The following DRC11 variants were observed in gnomAD, a reference collection of about 807,000 sequenced individuals.
DRC11 encodes IQ and AAA domain-containing protein 1.
the DRC11 span, among the ~76,000 whole-genome samples, chr2:236,459,501 G>GTATACATACGTA: frequency 9.7e-6 from 1 of 102,570 alleles, no homozygotes; most frequent in Non-Finnish European, 2.1e-5. Context: ...ACGTATATAT[G>GTATACATACGTA]TATACGTATA....
chr2:236,490,452 A>G, the DRC11 span, among the ~76,000 whole-genome samples: 17 of 152,346 alleles, frequency 1.1e-4, no homozygotes, highest in African/African-American at 3.8e-4. The surrounding 1 kb of genome is among the most constrained non-coding windows in gnomAD (Gnocchi z 5.5). Context: ...GTTTTCAGTA[A>G]GATTTCACCG....
chr2:236,500,099 A>G, the DRC11 span, among the ~76,000 whole-genome samples: 3 of 150,144 alleles, frequency 2.0e-5, no homozygotes, highest in East Asian at 5.8e-4. This position sits in a 1 kb window ranked among gnomAD's most constrained non-coding sequence, Gnocchi z 6.3. Flanking sequence ...GATGATGATG[A>G]TGATGATGAT....
At chr2:236,355,335 C>A in the DRC11 span, among the ~76,000 whole-genome samples, 3 of 152,200 alleles carry the variant, frequency 2.0e-5, no homozygotes, top group Non-Finnish European at 2.9e-5. Context: ...GCTATGTGGG[C>A]GCTCTCTGCA....
chr2:236,412,913 G>C, the DRC11 span: 1 of 152,350 alleles, frequency 6.6e-6, no homozygotes, highest in South Asian at 2.1e-4. Context: ...GGAGGTGGGG[G>C]CACTGGCTGG....
chr2:236,441,165 CCT>C, the DRC11 span: 1 of 1,333,032 alleles, frequency 7.5e-7, no homozygotes, highest in Non-Finnish European at 1.1e-6. Flanking sequence ...GAAATGAAGT[CCT>C]CTCTTGTTAT....
chr2:236,341,204 G>A, the DRC11 span, among the ~76,000 whole-genome samples: 1 of 152,236 alleles, frequency 6.6e-6, no homozygotes, highest in African/African-American at 2.4e-5. Flanking sequence ...AGGCACTATC[G>A]TGATGTCAGG....
chr2:236,356,979 ATATAT>A, the DRC11 span, among the ~76,000 whole-genome samples: 33 of 86,608 alleles, frequency 3.8e-4, no homozygotes, highest in East Asian at 1.5e-3. Context: ...TTATATATTC[ATATAT>A]TATATATCTA....
At chr2:236,311,633 G>A in the DRC11 span, among the ~76,000 whole-genome samples, 1 of 152,076 alleles carries the variant, frequency 6.6e-6, no homozygotes, top group Non-Finnish European at 1.5e-5. The surrounding 1 kb of genome is among the most constrained non-coding windows in gnomAD (Gnocchi z 6.9). Flanking sequence ...CAGAGATAGT[G>A]CAGAGCACAA....
the DRC11 span, chr2:236,367,964 C>T: frequency 2.9e-3 from 1,617 of 558,526 alleles, 19 homozygotes; most frequent in African/African-American, 0.028. This position sits in a 1 kb window ranked among gnomAD's most constrained non-coding sequence, Gnocchi z 4.8. Flanking sequence ...TGTCCTTCAG[C>T]CCAGCACTGC....
the DRC11 span, chr2:236,494,022 A>AT: frequency 1.4e-6 from 1 of 707,608 alleles, no homozygotes; most frequent in Non-Finnish European, 2.1e-6. The surrounding 1 kb of genome is among the most constrained non-coding windows in gnomAD (Gnocchi z 4.2). Context: ...GAAAAAAAAA[A>AT]TGAGGCCAGC....
the DRC11 span, among the ~76,000 whole-genome samples, chr2:236,325,727 G>A: frequency 4.6e-5 from 7 of 151,854 alleles, no homozygotes; most frequent in South Asian, 8.3e-4. This position sits in a 1 kb window ranked among gnomAD's most constrained non-coding sequence, Gnocchi z 4.4. Flanking sequence ...CTCAGCCTCC[G>A]GAGTAGCTGG....
the DRC11 span, among the ~76,000 whole-genome samples, chr2:236,506,823 A>G: frequency 6.6e-6 from 1 of 152,260 alleles, no homozygotes; most frequent in Admixed American, 6.5e-5. This position sits in a 1 kb window ranked among gnomAD's most constrained non-coding sequence, Gnocchi z 4.9. Context: ...GTCTGTGAAA[A>G]GCAAATGTCA....
the DRC11 span, among the ~76,000 whole-genome samples, chr2:236,481,513 C>T: frequency 1.3e-5 from 2 of 152,102 alleles, no homozygotes; most frequent in African/African-American, 4.8e-5. Flanking sequence ...TGGGACATTG[C>T]TGGTGATAAT....
chr2:236,493,178 A>C, the DRC11 span, among the ~76,000 whole-genome samples: 1 of 152,170 alleles, frequency 6.6e-6, no homozygotes, highest in African/African-American at 2.4e-5. Flanking sequence ...CCCCTTTATA[A>C]AACCATCAGA....
chr2:236,338,926 C>T, the DRC11 span, among the ~76,000 whole-genome samples: 12 of 152,294 alleles, frequency 7.9e-5, no homozygotes, highest in East Asian at 1.9e-4. Context: ...GAGGAATGAG[C>T]GAGAACAGGC....
At chr2:236,416,591 C>A in the DRC11 span, among the ~76,000 whole-genome samples, 2 of 151,100 alleles carry the variant, frequency 1.3e-5, no homozygotes, top group Non-Finnish European at 2.9e-5. Flanking sequence ...GACGGAAGAA[C>A]CACTGCGGGT....
the DRC11 span, among the ~76,000 whole-genome samples, chr2:236,306,962 C>T: frequency 1.3e-5 from 2 of 152,150 alleles, no homozygotes; most frequent in African/African-American, 4.8e-5. The surrounding 1 kb of genome is among the most constrained non-coding windows in gnomAD (Gnocchi z 5.9). Context: ...TTCTACACCC[C>T]CTTCTTACAC....
chr2:236,394,714 G>A, the DRC11 span, among the ~76,000 whole-genome samples: 5 of 152,174 alleles, frequency 3.3e-5, no homozygotes, highest in Admixed American at 2.0e-4. This position sits in a 1 kb window ranked among gnomAD's most constrained non-coding sequence, Gnocchi z 7.0. Context: ...TGCCACACAC[G>A]GCAGAGGCAG....
the DRC11 span, among the ~76,000 whole-genome samples, chr2:236,421,809 T>A: frequency 6.6e-6 from 1 of 152,172 alleles, no homozygotes; most frequent in African/African-American, 2.4e-5. Flanking sequence ...AAATCCTCAA[T>A]AAAATACTGG....
Sources: gnomAD v4.1 joint callset for allele counts (sites outside exome capture counted in the v4.1 genomes callset) on GRCh38, gnomAD v4.1.1 for gene constraint, Gnocchi (gnomAD v3.1) non-coding constraint, MANE v1.5 for transcripts, NCBI Gene and HGNC (gene_info 2026-07-23, HGNC 2026-07-21) for gene names.